PROCR: variants seen among roughly 807,000 people sequenced by gnomAD.
PROCR encodes endothelial protein C receptor.
A neutral mutation model predicts 24.2 loss-of-function variants in PROCR; 22 were observed. That is an observed-to-expected ratio of 0.91 (90% confidence interval 0.65 to 1.30). The LOEUF (loss-of-function observed/expected upper bound fraction) is 1.30. Ranked by LOEUF, PROCR falls within the 50% of genes most tolerant of loss-of-function variation. The pLI, the probability that PROCR is intolerant of heterozygous loss-of-function variation, is 0.00. For missense variants in PROCR, 288 were observed against 307.7 expected (o/e 0.94, Z 0.48); for synonymous variants, 137 against 139.2 (o/e 0.98, Z 0.11).
chr20:35,189,350 C>T (rs1245980503), intron 1 of PROCR, among the ~76,000 whole-genome samples: 3 of 152,214 alleles, frequency 2.0e-5, no homozygotes, highest in Non-Finnish European at 4.4e-5. Flanking sequence ...CCCTGGTCTC[C>T]TGCAGCGTCC....
intron 1 of PROCR, among the ~76,000 whole-genome samples, chr20:35,173,685 C>G (rs919393420): frequency 1.3e-5 from 2 of 152,016 alleles, no homozygotes; most frequent in African/African-American, 4.8e-5. Context: ...CCGCCTCGGC[C>G]TCCCAAAGTA....
intron 1 of PROCR, among the ~76,000 whole-genome samples, chr20:35,189,223 A>G (rs1348351034): frequency 6.6e-6 from 1 of 150,594 alleles, no homozygotes; most frequent in Non-Finnish European, 1.5e-5. Flanking sequence ...TTCCCCAGTA[A>G]GGAATATTAA....
intron 1 of PROCR, among the ~76,000 whole-genome samples, chr20:35,191,016 G>A (rs1051568098): frequency 2.2e-4 from 33 of 151,970 alleles, no homozygotes; most frequent in African/African-American, 7.5e-4. Context: ...CGTACCACCA[G>A]GCCCAGCTAA....
chr20:35,178,321 T>C (rs1280858418), downstream of PROCR, among the ~76,000 whole-genome samples: 2 of 144,354 alleles, frequency 1.4e-5, no homozygotes, highest in African/African-American at 5.2e-5. Flanking sequence ...GGAGAATCAC[T>C]TGAACCCGGG....
At chr20:35,180,107 G>A (rs1041864344), downstream of PROCR, among the ~76,000 whole-genome samples, 72 of 152,170 alleles carry the variant, frequency 4.7e-4, no homozygotes, top group African/African-American at 1.6e-3. Context: ...TTAGCCGGGC[G>A]CGGTGATGCA....
At chr20:35,207,253 TTTTG>T (rs1373137835) in intron 1 of PROCR, among the ~76,000 whole-genome samples, 1 of 152,254 alleles carries the variant, frequency 6.6e-6, no homozygotes, top group East Asian at 1.9e-4. Flanking sequence ...TGTTTTATTT[TTTTG>T]TTTGTGTGTG....
intron 1 of PROCR, among the ~76,000 whole-genome samples, chr20:35,191,811 C>G (rs1018467681): frequency 1.3e-5 from 2 of 152,172 alleles, no homozygotes; most frequent in African/African-American, 4.8e-5. Context: ...GCTATTTGTT[C>G]TGAGTGAGAT....
chr20:35,176,071 ACTCTTGC>A, intron 2 of PROCR, 90 bp from the exon 3 acceptor site: 1 of 1,375,424 alleles, frequency 7.3e-7, no homozygotes, highest in East Asian at 2.3e-5. Flanking sequence ...CACAGCACTG[ACTCTTGC>A]CTTCTCATGT....
intron 1 of PROCR, among the ~76,000 whole-genome samples, chr20:35,198,969 C>T (rs1178385258): frequency 6.6e-6 from 1 of 152,172 alleles, no homozygotes; most frequent in Admixed American, 6.5e-5. Context: ...CCGCCTCATC[C>T]TCCCAAAGTG....
At chr20:35,186,293 GA>G (rs1224964519) in intron 1 of PROCR, among the ~76,000 whole-genome samples, 9 of 152,258 alleles carry the variant, frequency 5.9e-5, no homozygotes, top group East Asian at 1.9e-4. Context: ...AGTAGTCCGG[GA>G]GCAGTGGCTC....
At chr20:35,175,687 C>G (rs2086007816) in intron 2 of PROCR, among the ~76,000 whole-genome samples, 1 of 144,556 alleles carries the variant, frequency 6.9e-6, no homozygotes, top group Non-Finnish European at 1.5e-5. Flanking sequence ...CGGGTTCAAG[C>G]GATTCTCCTG....
intron 1 of PROCR, among the ~76,000 whole-genome samples, chr20:35,186,858 C>T (rs1472099480): frequency 6.6e-6 from 1 of 150,972 alleles, no homozygotes; most frequent in Non-Finnish European, 1.5e-5. Context: ...GAGGCTAAGG[C>T]AGGAGAATGG....
At chr20:35,212,526 T>G (rs1314019264) in intron 1 of PROCR, among the ~76,000 whole-genome samples, 1 of 152,216 alleles carries the variant, frequency 6.6e-6, no homozygotes. Context: ...AAGTTATTAC[T>G]GCGGTCCAAG....
chr20:35,178,514 T>TTTTTTTTTTG, downstream of PROCR, among the ~76,000 whole-genome samples: 1 of 47,306 alleles, frequency 2.1e-5, no homozygotes, highest in Non-Finnish European at 3.8e-5. Context: ...TCAGTTTTTT[T>TTTTTTTTTTG]TTTTTTTTTT....
At chr20:35,197,446 T>C (rs1241223210) in intron 1 of PROCR, among the ~76,000 whole-genome samples, 1 of 152,188 alleles carries the variant, frequency 6.6e-6, no homozygotes, top group African/African-American at 2.4e-5. Context: ...TCCCTCTTCT[T>C]GGCCCTCCCT....
intron 1 of PROCR, among the ~76,000 whole-genome samples, chr20:35,185,073 T>C (rs2086112660): frequency 7.1e-6 from 1 of 140,716 alleles, no homozygotes; most frequent in Admixed American, 7.1e-5. Flanking sequence ...AAAAGTGGGC[T>C]AAGGAGATGA....
chr20:35,199,747 CAAA>C (rs748805879), intron 1 of PROCR, among the ~76,000 whole-genome samples: 1 of 75,484 alleles, frequency 1.3e-5, no homozygotes, highest in Admixed American at 1.5e-4. Context: ...GACTGTGTCT[CAAA>C]AAAAAAAAAA....
intron 1 of PROCR, among the ~76,000 whole-genome samples, chr20:35,209,742 T>C (rs971635129): frequency 1.3e-5 from 2 of 152,150 alleles, no homozygotes; most frequent in East Asian, 3.9e-4. Flanking sequence ...AGAAATCAAG[T>C]GCAATGACTT....
chr20:35,183,745 A>G (rs946986019), intron 1 of PROCR, among the ~76,000 whole-genome samples: 4 of 152,222 alleles, frequency 2.6e-5, no homozygotes, highest in Non-Finnish European at 5.9e-5. Flanking sequence ...GACCATGCCC[A>G]GATAGGAAAG....
Sources: gnomAD v4.1 joint callset for allele counts (sites outside exome capture counted in the v4.1 genomes callset) on GRCh38, gnomAD v4.1.1 for gene constraint, MANE v1.5 for transcripts, NCBI Gene and HGNC (gene_info 2026-07-23, HGNC 2026-07-21) for gene names.